LTBP1: variants seen among roughly 807,000 people sequenced by gnomAD.
LTBP1 encodes the protein latent transforming growth factor beta binding protein 1, also known as latent-transforming growth factor beta-binding protein 1.
LTBP1 carries 129 observed loss-of-function variants against 207.6 expected under a neutral mutation model. The ratio of observed to expected loss-of-function variants is 0.62; its 90% CI spans 0.54 to 0.72. LTBP1 has a LOEUF of 0.72. LTBP1 is among the 30% of genes least tolerant of loss of function. The pLI is 0.00. For missense variants in LTBP1, 2,281 were observed against 2,217.2 expected (o/e 1.03, Z -0.58); for synonymous variants, 963 against 833.7 (o/e 1.16, Z -2.67).
chr2:33,219,451 T>A (rs902185535), intron 8 of LTBP1, among the ~76,000 whole-genome samples: 1 of 152,224 alleles, frequency 6.6e-6, no homozygotes, highest in Non-Finnish European at 1.5e-5. Flanking sequence ...TAGCCCTGAG[T>A]TCGACTCCCA....
At chr2:32,960,773 G>GT (rs1482080163) in intron 2 of LTBP1, among the ~76,000 whole-genome samples, 3 of 152,208 alleles carry the variant, frequency 2.0e-5, no homozygotes, top group Non-Finnish European at 4.4e-5. Context: ...TGAGAGAAGA[G>GT]TATTTTAGGC....
intron 3 of LTBP1, among the ~76,000 whole-genome samples, chr2:33,043,259 A>G (rs2076280801): frequency 2.0e-5 from 3 of 152,180 alleles, no homozygotes; most frequent in Admixed American, 6.5e-5. Flanking sequence ...CAACTCTTGT[A>G]TATAACAGCT....
rs115046221 is a variant in LTBP1, at chr2:32,957,947, G to T, written c.565+9002G>T. ...TGCCATCGAGACCCCAAGACTGTGT[G>T]GTTATAAGAAGGAAGTGCCACTGCT... is the stretch of plus-strand genomic sequence containing the variant. On this transcript the variant is annotated intron_variant, in intron 2 of 33. Transcript: ENST00000404816. Among the ~76,000 whole-genome samples, 1,022 of 152,128 alleles carry T rather than the reference G, an allele frequency of 6.7e-3. 10 individuals carry two copies. Among genetic ancestry groups the T allele is most frequent in the African/African-American group, 0.021 (881 of 41,478 alleles).
intron 9 of LTBP1, among the ~76,000 whole-genome samples, chr2:33,231,095 G>A (rs1382371830): frequency 6.6e-6 from 1 of 152,206 alleles, no homozygotes; most frequent in East Asian, 1.9e-4. Flanking sequence ...TGATGGGTAA[G>A]ACATTGTTCC....
intron 26 of LTBP1, among the ~76,000 whole-genome samples, chr2:33,353,424 A>G (rs951700372): frequency 6.6e-5 from 10 of 152,184 alleles, no homozygotes; most frequent in Non-Finnish European, 1.3e-4. Flanking sequence ...TTTTGTGGCT[A>G]ACAGTCTCTG....
chr2:33,301,572 A>G lies in LTBP1; in HGVS notation c.3409A>G (p.Asn1137Asp). The G allele has an allele frequency of 6.2e-7, 1 of 1,613,176 alleles. No individual in the cohort carries two copies. Among genetic ancestry groups the G allele is most frequent in the South Asian group, 1.1e-5 (1 of 90,892 alleles). The change falls in exon 22 of 34, where the codon AAC becomes GAC. Residue 1137 changes from asparagine to aspartate, a missense_variant. Asn to Asp is a conservative substitution (Grantham distance 23, BLOSUM62 1). Coordinates refer to ENST00000404816, the MANE Select transcript of LTBP1 (RefSeq NM_206943.4). ...RHLCAHGQCR[N>D]TEGSFQCVCD... ...TCTCTGTGCTCATGGGCAGTGCAGG[A>G]ACACTGAGGGCTCTTTTCAATGTGT...
chr2:33,210,419 G>T (rs2090221193), intron 7 of LTBP1, among the ~76,000 whole-genome samples: 2 of 151,966 alleles, frequency 1.3e-5, no homozygotes, highest in African/African-American at 4.8e-5. Context: ...CATTTCAGGG[G>T]AAGTACTAGA....
chr2:33,338,797 C>A (rs569367361), intron 24 of LTBP1, among the ~76,000 whole-genome samples: 1 of 152,026 alleles, frequency 6.6e-6, no homozygotes, highest in African/African-American at 2.4e-5. Context: ...AAATTAAAGA[C>A]CGTAGGTTTT....
intron 5 of LTBP1, among the ~76,000 whole-genome samples, chr2:33,145,138 G>A (rs1055692492): frequency 6.6e-6 from 1 of 152,074 alleles, no homozygotes; most frequent in Non-Finnish European, 1.5e-5. Context: ...TTTCTATTTA[G>A]TTGAAGGGTA....
At chr2:33,290,530 G>A (rs2148799311) in intron 19 of LTBP1, among the ~76,000 whole-genome samples, 1 of 152,290 alleles carries the variant, frequency 6.6e-6, no homozygotes, top group Admixed American at 6.5e-5. Context: ...AGTTTATTCT[G>A]TCTGCAAGCT....
In LTBP1 at chr2:33,293,191, C is replaced by T. The variant is rs61751741; in HGVS notation, c.3144C>T (p.Cys1048=). ...DVDECLEPNV[C]ANGDCSNLEG... is the part of the protein sequence containing the mutation. ...ACGAGTGCCTGGAACCAAACGTCTGCGCAAATGGTGATTGTTCCAACCTTG... is the reference window on the plus strand; with the variant it reads ...ACGAGTGCCTGGAACCAAACGTCTGTGCAAATGGTGATTGTTCCAACCTTG... Residue 1048 remains cysteine, a synonymous_variant, in exon 20 of 34, where the codon TGC becomes TGT. Coordinates refer to ENST00000404816, the MANE Select transcript of LTBP1 (RefSeq NM_206943.4). 1,579 of 1,613,952 alleles carry T rather than the reference C, an allele frequency of 9.8e-4. 2 individuals are homozygous for T. Among genetic ancestry groups the T allele is most frequent in the Non-Finnish European group, 1.2e-3 (1,374 of 1,179,936 alleles).
chr2:33,234,710 T>C (rs2091958385), intron 9 of LTBP1, among the ~76,000 whole-genome samples: 1 of 152,100 alleles, frequency 6.6e-6, no homozygotes, highest in Non-Finnish European at 1.5e-5. Flanking sequence ...TTCACAGAAT[T>C]AGAAAAACTA....
chr2:33,087,084 C>CTTTTTTTTTTTTTTTTTTTTTTTTTTT lies in LTBP1; in HGVS notation c.864-23474_864-23473insTTTTTTTTTTTTTTTTTTTTTTTTTTT, dbSNP rs35334788. On this transcript the variant is annotated intron_variant, in intron 3 of 33. Transcript: ENST00000404816. ...AGCACCAGGCTGTCCCTCCTTTATGCTTTTTTTTTTTTTTTTTTTTTTTTG... is the reference window on the plus strand; with the variant it reads ...AGCACCAGGCTGTCCCTCCTTTATGCTTTTTTTTTTTTTTTTTTTTTTTTTTTTTTTTTTTTTTTTTTTTTTTTTTTG... Among the ~76,000 whole-genome samples, 14 of 89,020 alleles carry CTTTTTTTTTTTTTTTTTTTTTTTTTTT rather than the reference C, an allele frequency of 1.6e-4. 2 individuals carry two copies. Among genetic ancestry groups the CTTTTTTTTTTTTTTTTTTTTTTTTTTT allele is most frequent in the Non-Finnish European group, 2.7e-4 (13 of 48,364 alleles). 58.4% of individuals were successfully genotyped at this position (89,020 alleles called of 152,430 possible).
chr2:33,066,993 C>T (rs1289447015), intron 3 of LTBP1, among the ~76,000 whole-genome samples: 2 of 152,036 alleles, frequency 1.3e-5, no homozygotes, highest in Admixed American at 6.6e-5. Context: ...CTAGACAGAA[C>T]CCATTTCTAC....
intron 24 of LTBP1, among the ~76,000 whole-genome samples, chr2:33,341,727 A>ATATATATAT (rs1285574448): frequency 2.2e-3 from 198 of 89,538 alleles, no homozygotes; most frequent in Middle Eastern, 0.011. Flanking sequence ...AAAAAAAAAA[A>ATATATATAT]AAATATATAT....
At chr2:33,340,278 A>G (rs1331098663) in intron 24 of LTBP1, among the ~76,000 whole-genome samples, 2 of 148,820 alleles carry the variant, frequency 1.3e-5, no homozygotes, top group East Asian at 3.9e-4. Flanking sequence ...AAAAAAAAAA[A>G]AAGTGCTCCG....
intron 2 of LTBP1, among the ~76,000 whole-genome samples, chr2:32,959,991 C>T (rs954809902): frequency 1.3e-5 from 2 of 151,876 alleles, no homozygotes; most frequent in African/African-American, 2.4e-5. Flanking sequence ...CACACCATAG[C>T]GAGTAGACAG....
At chr2:33,034,462 G>T (rs953775232) in intron 3 of LTBP1, among the ~76,000 whole-genome samples, 20 of 151,764 alleles carry the variant, frequency 1.3e-4, no homozygotes, top group African/African-American at 4.6e-4. Context: ...ACTAGCTGAA[G>T]GGAGTTAAGC....
intron 3 of LTBP1, among the ~76,000 whole-genome samples, chr2:33,033,602 G>A (rs543947170): frequency 2.1e-4 from 31 of 149,114 alleles, no homozygotes; most frequent in African/African-American, 7.6e-4. Flanking sequence ...CTATGGTGGG[G>A]GAAAAAAGGG....
Sources: gnomAD v4.1 joint callset for allele counts (sites outside exome capture counted in the v4.1 genomes callset) on GRCh38, gnomAD v4.1.1 for gene constraint, MANE v1.5 for transcripts, NCBI Gene and HGNC (gene_info 2026-07-23, HGNC 2026-07-21) for gene names.